Variants in DPP6 observed in about 807,000 individuals in gnomAD.
DPP6 encodes the protein A-type potassium channel modulatory protein DPP6.
In DPP6, 69 loss-of-function variants were observed where a neutral mutation model predicts 122.6. The ratio of observed to expected loss-of-function variants is 0.56; its 90% CI spans 0.46 to 0.69. The LOEUF is 0.69. DPP6 is among the 30% of genes least tolerant of loss of function. The pLI, the probability that DPP6 is intolerant of heterozygous loss-of-function variation, is 0.00. For missense variants in DPP6, 928 were observed against 1,116.9 expected (o/e 0.83, Z 2.41); for synonymous variants, 418 against 433.1 (o/e 0.97, Z 0.43).
At chr7:154,683,197 G>A (rs944673811) in intron 7 of DPP6, among the ~76,000 whole-genome samples, 3 of 152,152 alleles carry the variant, frequency 2.0e-5, no homozygotes, top group African/African-American at 7.2e-5. Flanking sequence ...TTTAATTAAC[G>A]TACACTATGC....
intron 1 of DPP6, among the ~76,000 whole-genome samples, chr7:154,087,718 T>A (rs1256562075): frequency 6.6e-6 from 1 of 152,200 alleles, no homozygotes; most frequent in African/African-American, 2.4e-5. Flanking sequence ...CATGGTTCTC[T>A]GAGGATTTGT....
chr7:153,893,568 A>G (rs568832433), intron 1 of DPP6, among the ~76,000 whole-genome samples: 41 of 152,250 alleles, frequency 2.7e-4, no homozygotes, highest in Non-Finnish European at 5.6e-4. Flanking sequence ...ACATCAGGTA[A>G]CAGGAGAGAG....
the DPP6 span, among the ~76,000 whole-genome samples, chr7:153,868,892 CTTTCA>C: frequency 5.3e-5 from 8 of 152,056 alleles, no homozygotes; most frequent in African/African-American, 1.9e-4. Flanking sequence ...TTTATTTCTG[CTTTCA>C]TTTCGTTATG....
At chr7:154,426,949 T>G (rs1410656212) in intron 1 of DPP6, among the ~76,000 whole-genome samples, 1 of 152,170 alleles carries the variant, frequency 6.6e-6, no homozygotes, top group Non-Finnish European at 1.5e-5. Flanking sequence ...TAAGAGTTTC[T>G]TACCCCGCCC....
At chr7:153,967,568 G>A (rs1236234153) in intron 1 of DPP6, among the ~76,000 whole-genome samples, 1 of 152,170 alleles carries the variant, frequency 6.6e-6, no homozygotes, top group Admixed American at 6.5e-5. Context: ...GACCTCGGGG[G>A]TGTTTCTCTG....
intron 1 of DPP6, among the ~76,000 whole-genome samples, chr7:154,204,774 TTGA>T (rs1263305139): frequency 9.3e-6 from 1 of 107,338 alleles, no homozygotes; most frequent in African/African-American, 3.5e-5. Context: ...CTTAACTAGC[TTGA>T]TGACCTTGTG....
At chr7:154,460,980 C>A (rs1821250208) in intron 2 of DPP6, among the ~76,000 whole-genome samples, 1 of 151,788 alleles carries the variant, frequency 6.6e-6, no homozygotes, top group African/African-American at 2.4e-5. Flanking sequence ...ATTAACCATC[C>A]CCCTCTGCCC....
the DPP6 span, among the ~76,000 whole-genome samples, chr7:153,878,581 A>AGAAGTCAG: frequency 1.4e-4 from 21 of 152,310 alleles, no homozygotes; most frequent in East Asian, 3.3e-3. Context: ...AACTAGCGTT[A>AGAAGTCAG]GAAGTCAGGA....
At chr7:154,148,055 G>C (rs34654186) in intron 1 of DPP6, among the ~76,000 whole-genome samples, 1,986 of 142,076 alleles carry the variant, frequency 0.014, 1 homozygote, top group African/African-American at 0.057. Flanking sequence ...TTAGGAGCCA[G>C]AGCGGACCGT....
chr7:153,887,822 A>G (rs916222416), intron 1 of DPP6: 32 of 1,445,524 alleles, frequency 2.2e-5, no homozygotes, highest in Non-Finnish European at 1.2e-5. Flanking sequence ...CTCAGTCCCG[A>G]ACCTCCCTGG....
At chr7:154,432,973 T>A (rs1384501955) in intron 1 of DPP6, among the ~76,000 whole-genome samples, 1 of 152,154 alleles carries the variant, frequency 6.6e-6, no homozygotes, top group Non-Finnish European at 1.5e-5. Flanking sequence ...TAAACTGGTC[T>A]ATGATGTGCT....
chr7:154,754,999 A>C (rs536414135), intron 8 of DPP6, among the ~76,000 whole-genome samples: 14 of 152,288 alleles, frequency 9.2e-5, no homozygotes, highest in Non-Finnish European at 1.3e-4. Flanking sequence ...AAGAAGAGGG[A>C]GAGCATTAGG....
Position 154,282,270 on chromosome 7 carries a change from T to C in DPP6, c.244-163944T>C, listed in dbSNP as rs774376581. 1.9e-4 allele frequency among the ~76,000 whole-genome samples: 29 copies of C among 152,186 alleles called. No individual in the cohort carries two copies. Among genetic ancestry groups the C allele is most frequent in the Non-Finnish European group, 3.2e-4 (22 of 68,022 alleles). ...TGGCAGCTTTAGCCAGGCAGTGGTT[T>C]CCCTGTTGTACAATTCAATAGCCTG... On this transcript the variant is annotated intron_variant, in intron 1 of 25. Transcript: ENST00000377770. The surrounding 1 kb of genome is among the most constrained non-coding windows in gnomAD (Gnocchi z 4.8).
chr7:154,501,954 G>A (rs1307316440), intron 3 of DPP6, among the ~76,000 whole-genome samples: 1 of 152,106 alleles, frequency 6.6e-6, no homozygotes, highest in Non-Finnish European at 1.5e-5. Flanking sequence ...GAGTGGAGCT[G>A]CCCAAAACCA....
chr7:154,102,670 T>A (rs1805834706), intron 1 of DPP6, among the ~76,000 whole-genome samples: 1 of 152,160 alleles, frequency 6.6e-6, no homozygotes, highest in South Asian at 2.1e-4. Context: ...CTGTGCACTT[T>A]CATATTGATC....
At chr7:154,342,249 G>A (rs1300291991) in intron 1 of DPP6, among the ~76,000 whole-genome samples, 3 of 152,150 alleles carry the variant, frequency 2.0e-5, no homozygotes, top group Non-Finnish European at 4.4e-5. Context: ...ATATCTGATC[G>A]TGTGGGCACA....
At chr7:154,883,791 A>G (rs1405763437) in intron 21 of DPP6, 2 of 140,836 alleles carry the variant, frequency 1.4e-5, no homozygotes, top group African/African-American at 2.7e-5. Context: ...ACAATTACAT[A>G]CACCGACTCA....
chr7:154,563,865 C>T (rs1344657280), intron 4 of DPP6, among the ~76,000 whole-genome samples: 2 of 152,100 alleles, frequency 1.3e-5, no homozygotes, highest in African/African-American at 4.8e-5. Flanking sequence ...TTCAGGTGGT[C>T]TGGGCTGGAG....
intron 1 of DPP6, among the ~76,000 whole-genome samples, chr7:154,419,923 C>T (rs1479657370): frequency 3.3e-5 from 5 of 152,046 alleles, no homozygotes; most frequent in African/African-American, 4.8e-5. Context: ...TCACGGCAGC[C>T]GAGGTGTGGA....
Sources: gnomAD v4.1 joint callset for allele counts (sites outside exome capture counted in the v4.1 genomes callset) on GRCh38, gnomAD v4.1.1 for gene constraint, Gnocchi (gnomAD v3.1) non-coding constraint, MANE v1.5 for transcripts, NCBI Gene and HGNC (gene_info 2026-07-23, HGNC 2026-07-21) for gene names.